The following INO80 variants were observed in gnomAD, a reference collection of about 807,000 sequenced individuals.
INO80 encodes the protein INO80 complex ATPase subunit.
Under a neutral mutation model 203.4 loss-of-function variants are expected in INO80, and 20 were observed. The ratio of observed to expected loss-of-function variants is 0.10; its 90% CI spans 0.07 to 0.14. The LOEUF (loss-of-function observed/expected upper bound fraction) is 0.14, where lower values mean the gene tolerates loss of function less well. Among genes scored for constraint, INO80 ranks in the 10% least tolerant of loss-of-function variants. The pLI is 1.00. For missense variants in INO80, 1,419 were observed against 1,914.4 expected (o/e 0.74, Z 4.83); for synonymous variants, 726 against 685.2 (o/e 1.06, Z -0.93).
intron 29 of INO80, among the ~76,000 whole-genome samples, chr15:40,990,096 ATC>A: frequency 6.6e-6 from 1 of 151,952 alleles, no homozygotes; most frequent in South Asian, 2.1e-4. Context: ...GTATGCATAT[ATC>A]TCTCACTGAA....
intron 24 of INO80, among the ~76,000 whole-genome samples, chr15:41,042,305 C>T (rs550358385): frequency 1.4e-4 from 22 of 152,198 alleles, no homozygotes; most frequent in African/African-American, 4.1e-4. Context: ...TAAGCCACCA[C>T]GCCCCACCTA....
chr15:41,034,079 A>C (rs903062593), intron 24 of INO80, among the ~76,000 whole-genome samples: 1 of 152,102 alleles, frequency 6.6e-6, no homozygotes, highest in Admixed American at 6.6e-5. Context: ...AAACAAAAAA[A>C]CCCAAAACTT....
At chr15:41,111,209 G>T (rs189875666) in intron 1 of INO80, among the ~76,000 whole-genome samples, 1 of 152,236 alleles carries the variant, frequency 6.6e-6, no homozygotes, top group African/African-American at 2.4e-5. Flanking sequence ...ACTTTGGGAG[G>T]TAGAGGCAGG....
At chr15:41,043,076 C>T (rs190437571) in intron 24 of INO80, among the ~76,000 whole-genome samples, 86 of 152,278 alleles carry the variant, frequency 5.6e-4, no homozygotes, top group African/African-American at 1.9e-3. Flanking sequence ...ATTTCTCAGA[C>T]GGTTCTAACT....
At chr15:41,090,957 C>G (rs1172805622) in intron 5 of INO80, among the ~76,000 whole-genome samples, 1 of 137,388 alleles carries the variant, frequency 7.3e-6, no homozygotes, top group African/African-American at 2.9e-5. Context: ...TGAAGTCTTG[C>G]TCTGTCACCC....
At chr15:41,023,254 G>A (rs547728839) in intron 25 of INO80, 1 of 455,766 alleles carries the variant, frequency 2.2e-6, no homozygotes, top group African/African-American at 2.0e-5. Context: ...GATGAAAATT[G>A]GGTCTCTCTC....
intron 14 of INO80, among the ~76,000 whole-genome samples, chr15:41,061,275 G>C (rs929353443): frequency 4.6e-5 from 7 of 151,982 alleles, no homozygotes; most frequent in African/African-American, 1.7e-4. Flanking sequence ...ACTCCAGCCT[G>C]GGCAACAGAG....
intron 26 of INO80, chr15:41,019,316 C>G (rs912105134): frequency 3.3e-5 from 5 of 152,204 alleles, no homozygotes; most frequent in African/African-American, 1.2e-4. Flanking sequence ...AACCCCCGCC[C>G]TGTCCCAGCT....
rs187556676 is a variant in INO80, at chr15:41,048,516, C to T, written c.2577-240G>A. On this transcript the variant is annotated intron_variant, in intron 21 of 35. Coordinates refer to ENST00000648947, the MANE Select transcript of INO80 (RefSeq NM_017553.3). ...GTAGTCTCATTTTATTTCAGAGAAT[C>T]ACAATTCTAGTGCCCTAAGGTATCA... 2.7e-3 allele frequency among the ~76,000 whole-genome samples: 410 copies of T among 152,202 alleles called. 3 individuals carry two copies. Among genetic ancestry groups the T allele is most frequent in the South Asian group, 0.013 (62 of 4,820 alleles).
chr15:40,991,309 A>G (rs2043814127), intron 29 of INO80, among the ~76,000 whole-genome samples: 1 of 152,212 alleles, frequency 6.6e-6, no homozygotes, highest in African/African-American at 2.4e-5. Flanking sequence ...TGCAGCGGAA[A>G]ATATGAAATA....
intron 25 of INO80, chr15:41,023,307 T>A: frequency 2.2e-6 from 1 of 455,950 alleles, no homozygotes; most frequent in Non-Finnish European, 4.4e-6. Flanking sequence ...AGATCGTGGG[T>A]CAGAGCAAAC....
chr15:40,980,690 T>C (rs1291120563), intron 35 of INO80, among the ~76,000 whole-genome samples: 5 of 152,224 alleles, frequency 3.3e-5, no homozygotes, highest in Non-Finnish European at 7.3e-5. Flanking sequence ...CATCCACAGA[T>C]GGTAAAATGT....
intron 19 of INO80, 99 bp from the exon 20 acceptor site, chr15:41,050,201 G>T: frequency 1.3e-6 from 1 of 765,978 alleles, no homozygotes; most frequent in Non-Finnish European, 2.1e-6. Context: ...TATTATGATT[G>T]AGAATAAACA....
Position 41,048,293 on chromosome 15 carries a change from T to C in INO80, c.2577-17A>G, listed in dbSNP as rs192836335. ...CTTAACCACCTGCAAAGTAAGTAAATAAAATAAAGCCAAACCCAAACATAA... is the reference window on the plus strand; with the variant it reads ...CTTAACCACCTGCAAAGTAAGTAAACAAAATAAAGCCAAACCCAAACATAA... On this transcript the variant is annotated splice_polypyrimidine_tract_variant and intron_variant, in intron 21 of 35. Coordinates refer to ENST00000648947, the MANE Select transcript of INO80 (RefSeq NM_017553.3). 4.4e-6 allele frequency: 7 copies of C among 1,598,068 alleles called. No individual in the cohort carries two copies. Among genetic ancestry groups the C allele is most frequent in the Middle Eastern group, 1.7e-4 (1 of 6,054 alleles).
In INO80 at chr15:41,049,432, G is replaced by C; in HGVS notation, c.2443-12C>G. ...GGGTGATTACACACCTAAAAGGAAG[G>C]GAAATGGTAAGACAATATTACCACA... is the stretch of plus-strand genomic sequence containing the variant. On this transcript the variant is annotated splice_polypyrimidine_tract_variant and intron_variant, in intron 20 of 35. Coordinates refer to ENST00000648947, the MANE Select transcript of INO80 (RefSeq NM_017553.3). 6.2e-7 allele frequency: 1 copy of C among 1,613,280 alleles called. No homozygotes were observed. Among genetic ancestry groups the C allele is most frequent in the East Asian group, 2.2e-5 (1 of 44,866 alleles).
rs573706733 is a variant in INO80 at position 41,005,526 on chromosome 15, A to C, written c.3497+67T>G. On this transcript the variant is annotated intron_variant, in intron 28 of 35. Transcript: ENST00000648947. The stretch of plus-strand genomic sequence containing the variant: ...TGTCCTGGCATTTAAAAAAAAAAAA[A>C]AACTTACCATTTCAAGCACTAGAGG... 40 of 791,786 alleles carry C rather than the reference A, an allele frequency of 5.1e-5. No individual in the cohort carries two copies. In the East Asian group the frequency reaches 6.5e-4, roughly 13 times the overall value. The allele number at this position is 791,786 out of a possible 1,614,324, so 49.0% of individuals were successfully genotyped here. A position where few individuals can be genotyped will look rare whatever the true frequency, so the allele number is the denominator to read the frequency against.
At chr15:41,002,862 T>C (rs973490453) in intron 28 of INO80, among the ~76,000 whole-genome samples, 6 of 152,196 alleles carry the variant, frequency 3.9e-5, no homozygotes, top group African/African-American at 2.4e-5. Context: ...CCCAGCATTC[T>C]GGGAGGCCGA....
chr15:41,025,696 G>C (rs1414499114), intron 25 of INO80, among the ~76,000 whole-genome samples: 1 of 151,934 alleles, frequency 6.6e-6, no homozygotes, highest in Non-Finnish European at 1.5e-5. Context: ...GCCTGGGTGA[G>C]AGAGCAAGGC....
Position 41,085,505 on chromosome 15 carries a change from T to C in INO80, c.737A>G (p.His246Arg). 6.2e-7 allele frequency: 1 copy of C among 1,614,180 alleles called. No individual in the cohort carries two copies. Among genetic ancestry groups the C allele is most frequent in the Non-Finnish European group, 8.5e-7 (1 of 1,180,040 alleles). ...AAACTTGGCAAAGACTTTGGTCTGG[T>C]GGTGATGGCGACGAGGGGATTCTTC... ...SSEESPRRHH[H>R]QTKVFAKFSH... Residue 246 changes from histidine (H) to arginine (R), a missense_variant, in exon 7 of 36, where the codon CAC becomes CGC. His to Arg is a conservative substitution (Grantham distance 29, BLOSUM62 0). Transcript: ENST00000648947.
Sources: gnomAD v4.1 joint callset for allele counts (sites outside exome capture counted in the v4.1 genomes callset) on GRCh38, gnomAD v4.1.1 for gene constraint, MANE v1.5 for transcripts, NCBI Gene and HGNC (gene_info 2026-07-23, HGNC 2026-07-21) for gene names.